Variants in GRAMD2B observed in about 807,000 individuals in gnomAD.
GRAMD2B encodes GRAM domain containing 2B, also known as GRAM domain-containing protein 2B.
In GRAMD2B, 41 loss-of-function variants were observed where a neutral mutation model predicts 59.2. That is an observed-to-expected ratio of 0.69 (90% CI 0.54 to 0.90). The LOEUF (loss-of-function observed/expected upper bound fraction) is 0.90. GRAMD2B is among the 40% of genes least tolerant of loss of function. The pLI is 0.00. For synonymous variants in GRAMD2B, 161 were observed against 182.7 expected, an observed-to-expected ratio of 0.88 and a Z score of 0.96; for missense variants, 424 against 500.5, an observed-to-expected ratio of 0.85 and a Z score of 1.46.
At chr5:126,409,782 G>C (rs10072316) in intron 1 of GRAMD2B, among the ~76,000 whole-genome samples, 9,147 of 152,136 alleles carry the variant, frequency 0.06, 330 homozygotes, top group African/African-American at 0.1. Flanking sequence ...GTCCTGAATG[G>C]TAATGCCTAG....
At chr5:126,466,172 G>A in intron 2 of GRAMD2B, 1 of 1,468,708 alleles carries the variant, frequency 6.8e-7, no homozygotes, top group Non-Finnish European at 9.1e-7. Flanking sequence ...TCTAAACTGA[G>A]TACAGAAATC....
At chr5:126,371,677 C>A in intron 1 of GRAMD2B, 1 of 1,010,858 alleles carries the variant, frequency 9.9e-7, no homozygotes, top group Non-Finnish European at 1.3e-6. Flanking sequence ...TAGGGATCAG[C>A]CATGGGAAGA....
chr5:126,370,425 G>T (rs1278063466), upstream of GRAMD2B, among the ~76,000 whole-genome samples: 1 of 152,158 alleles, frequency 6.6e-6, no homozygotes, highest in East Asian at 1.9e-4. Flanking sequence ...CAATGTCACT[G>T]ACTAATCACA....
chr5:126,491,294 A>G (rs887548840), intron 13 of GRAMD2B, among the ~76,000 whole-genome samples: 2 of 152,224 alleles, frequency 1.3e-5, no homozygotes, highest in African/African-American at 4.8e-5. Flanking sequence ...AGGAAGAAAC[A>G]AAGCAAGAAA....
At chr5:126,401,438 G>A (rs1470168601) in intron 1 of GRAMD2B, among the ~76,000 whole-genome samples, 5 of 151,940 alleles carry the variant, frequency 3.3e-5, no homozygotes. Flanking sequence ...AAATTCATAG[G>A]TCTCCATTTC....
At chr5:126,453,789 G>A (rs1044151952) in intron 1 of GRAMD2B, among the ~76,000 whole-genome samples, 20 of 152,276 alleles carry the variant, frequency 1.3e-4, no homozygotes, top group African/African-American at 4.6e-4. Flanking sequence ...TAAAAGACTG[G>A]CCTTTTTCTC....
chr5:126,423,828 T>A, intron 1 of GRAMD2B, 139 bp downstream of exon 1: 1 of 660,918 alleles, frequency 1.5e-6, no homozygotes, highest in South Asian at 2.2e-5. Flanking sequence ...TCTCTCTGTC[T>A]CTCACTCTCT....
Position 126,447,642 on chromosome 5 carries a change from C to T in GRAMD2B, c.84-17784C>T, listed in dbSNP as rs565494746. Among the ~76,000 whole-genome samples, 45 of 142,768 alleles carry T rather than the reference C, an allele frequency of 3.2e-4. 1 individual carries two copies. The South Asian group carries it at 6.4e-3, about 20-fold the overall frequency. The allele number at this position is 142,768 out of a possible 152,430, so 93.7% of individuals were successfully genotyped here. A position where few individuals can be genotyped will look rare whatever the true frequency, so the allele number is the denominator to read the frequency against. On this transcript the variant is annotated intron_variant, in intron 1 of 13. Transcript: ENST00000285689. ...TCGTGCCACTGCACTCCAGCCTGGG[C>T]GACAGAGCAAGACTCCGTCTCAAAA...
chr5:126,462,621 T>A (rs1767581833), intron 1 of GRAMD2B, among the ~76,000 whole-genome samples: 1 of 152,174 alleles, frequency 6.6e-6, no homozygotes, highest in Non-Finnish European at 1.5e-5. Flanking sequence ...TGTGAGCAAA[T>A]GCTGAGCTGA....
intron 1 of GRAMD2B, among the ~76,000 whole-genome samples, chr5:126,383,308 A>T (rs184684487): frequency 6.6e-6 from 1 of 152,350 alleles, no homozygotes; most frequent in Admixed American, 6.5e-5. Flanking sequence ...CATAAAAACA[A>T]AACCAGGCAA....
At chr5:126,481,057 AATC>A in intron 8 of GRAMD2B, 1 of 289,852 alleles carries the variant, frequency 3.5e-6, no homozygotes, top group South Asian at 5.6e-5. Context: ...TCATCCCACA[AATC>A]CTTAAATGTC....
intron 1 of GRAMD2B, among the ~76,000 whole-genome samples, chr5:126,404,488 A>G (rs1758100536): frequency 6.6e-6 from 1 of 151,926 alleles, no homozygotes; most frequent in Non-Finnish European, 1.5e-5. Context: ...AAGTGAAATC[A>G]TGGTCATATG....
In GRAMD2B at chr5:126,485,756, T is replaced by C; in HGVS notation, c.1041T>C (p.Leu347=). 3.7e-6 allele frequency: 6 copies of C among 1,603,986 alleles called. No homozygotes were observed. The highest frequency in any genetic ancestry group is 5.1e-6 in the Non-Finnish European group (6 of 1,172,428). Residue 347 remains leucine, a synonymous_variant, in exon 11 of 14, where the codon CTT becomes CTC. Coordinates refer to ENST00000285689, the MANE Select transcript of GRAMD2B (RefSeq NM_023927.4). ...AATGTCCGATGCTTCACCATATTCT[T>C]ATATTCTATGCAATTGTGTAAGTAC... is the stretch of plus-strand genomic sequence containing the variant. ...SQKCPMLHHI[L]IFYAIVVCAL... is the part of the protein sequence containing the mutation.
chr5:126,387,023 G>A (rs1422272), intron 1 of GRAMD2B, among the ~76,000 whole-genome samples: 141,771 of 152,186 alleles, frequency 0.93, 66,237 homozygotes, highest in East Asian at 1. Context: ...AACGAAAGGT[G>A]CATGAGGCTT....
At chr5:126,485,599 C>T in intron 10 of GRAMD2B, 87 bp from the exon 11 acceptor site, 1 of 703,292 alleles carries the variant, frequency 1.4e-6, no homozygotes, top group Non-Finnish European at 2.4e-6. Context: ...GAACAATTAC[C>T]TCTCTCAAGT....
intron 1 of GRAMD2B, among the ~76,000 whole-genome samples, chr5:126,444,100 C>A (rs532411801): frequency 2.0e-5 from 3 of 151,456 alleles, no homozygotes; most frequent in African/African-American, 4.8e-5. Context: ...ACCACTAATA[C>A]CACCACCACC....
chr5:126,468,623 G>A (rs1293635770), intron 2 of GRAMD2B, among the ~76,000 whole-genome samples: 2 of 152,020 alleles, frequency 1.3e-5, no homozygotes, highest in African/African-American at 4.8e-5. Context: ...GAGTAGCTGG[G>A]ACTACAGGCG....
At chr5:126,448,368 C>T (rs976476845) in intron 1 of GRAMD2B, among the ~76,000 whole-genome samples, 2 of 151,714 alleles carry the variant, frequency 1.3e-5, no homozygotes, top group Non-Finnish European at 1.5e-5. Context: ...CATGGCAGCC[C>T]AGGAGGAGGG....
At chr5:126,450,363 T>C (rs1256735052) in intron 1 of GRAMD2B, among the ~76,000 whole-genome samples, 3 of 152,178 alleles carry the variant, frequency 2.0e-5, no homozygotes, top group Non-Finnish European at 4.4e-5. Flanking sequence ...ACCAAATACA[T>C]GTATTTCTAG....
Sources: allele counts gnomAD v4.1 joint callset (sites outside exome capture counted in the v4.1 genomes callset), GRCh38; gene constraint gnomAD v4.1.1; transcripts MANE v1.5; gene names NCBI Gene and HGNC (gene_info 2026-07-23, HGNC 2026-07-21).